The following MTMR9 variants were observed in gnomAD, a reference collection of about 807,000 sequenced individuals.
The protein encoded by MTMR9 is myotubularin-related protein 9.
In MTMR9, 39 loss-of-function variants were observed where a neutral mutation model predicts 69.5. The observed-to-expected ratio is 0.56, with a 90% CI of 0.43 to 0.73. The LOEUF (loss-of-function observed/expected upper bound fraction) is 0.73. Among genes scored for constraint, MTMR9 ranks in the 30% least tolerant of loss-of-function variants. The pLI, the probability that MTMR9 is intolerant of heterozygous loss-of-function variation, is 0.00. For synonymous variants in MTMR9, 354 were observed against 240.8 expected (o/e 1.47, Z -4.35); for missense variants, 900 against 671.2 (o/e 1.34, Z -3.77).
At chr8:11,322,304 C>G (rs1422122862) in intron 9 of MTMR9, among the ~76,000 whole-genome samples, 1 of 152,164 alleles carries the variant, frequency 6.6e-6, no homozygotes, top group African/African-American at 2.4e-5. Flanking sequence ...AAGTTTATGA[C>G]ATTGCAAATT....
chr8:11,322,760 CAG>C lies in MTMR9; in HGVS notation c.1625_1626del (p.Glu542GlyfsTer38). On this transcript the variant is annotated frameshift_variant, in exon 10 of 10. Coordinates refer to ENST00000221086, the MANE Select transcript of MTMR9 (RefSeq NM_015458.4). LOFTEE classifies it high-confidence loss of function. ...CGAAGGCAGTTGGCAGAACTGGAAACAGAGGACGGGATGCAGGAGAGTCCCTG... is the reference window on the plus strand; with the variant it reads ...CGAAGGCAGTTGGCAGAACTGGAAACAGGACGGGATGCAGGAGAGTCCCTG... 1 of 1,614,000 alleles carries C rather than the reference CAG, an allele frequency of 6.2e-7. No homozygotes were observed. Among genetic ancestry groups the C allele is most frequent in the Non-Finnish European group, 8.5e-7 (1 of 1,179,952 alleles).
chr8:11,332,004 A>T, downstream of MTMR9: 3 of 1,611,824 alleles, frequency 1.9e-6, no homozygotes, highest in Non-Finnish European at 2.5e-6. Flanking sequence ...GCAGTATTAT[A>T]TGCTCCATGA....
intron 4 of MTMR9, among the ~76,000 whole-genome samples, chr8:11,305,374 A>G (rs916076032): frequency 6.6e-6 from 1 of 152,190 alleles, no homozygotes; most frequent in African/African-American, 2.4e-5. Context: ...ATTTTTCTTA[A>G]CAACTTTACA....
chr8:11,314,836 T>C, intron 6 of MTMR9, 87 bp from the exon 7 acceptor site: 8 of 1,304,436 alleles, frequency 6.1e-6, no homozygotes, highest in Non-Finnish European at 8.7e-6. Context: ...ACTAAAATGT[T>C]GTGCTCAATA....
intron 6 of MTMR9, among the ~76,000 whole-genome samples, chr8:11,314,121 G>A (rs1201078863): frequency 6.6e-6 from 1 of 152,224 alleles, no homozygotes; most frequent in Non-Finnish European, 1.5e-5. Flanking sequence ...GCTCTATGTA[G>A]TGTATATGTA....
Position 11,300,082 on chromosome 8 carries a change from T to A in MTMR9, c.351T>A (p.Phe117Leu). The part of the protein sequence containing the change: ...LMYPFFYRPM[F>L]EVIEDGWHSF... ...ACCCTTTCTTTTACCGTCCTATGTTTGAAGTGATAGAAGATGGCTGGCATT... is the reference window on the plus strand; with the variant it reads ...ACCCTTTCTTTTACCGTCCTATGTTAGAAGTGATAGAAGATGGCTGGCATT... The change falls in exon 3 of 10, where the codon TTT becomes TTA. Residue 117 changes from phenylalanine (F) to leucine (L), a missense_variant. Phe to Leu is a conservative substitution (Grantham distance 22). Transcript: ENST00000221086. The A allele has an allele frequency of 6.2e-7, 1 of 1,613,748 alleles. No individual in the cohort carries two copies. Among genetic ancestry groups the A allele is most frequent in the Non-Finnish European group, 8.5e-7 (1 of 1,179,748 alleles).
the MTMR9 span, among the ~76,000 whole-genome samples, chr8:11,337,975 C>T: frequency 6.6e-6 from 1 of 152,190 alleles, no homozygotes; most frequent in Non-Finnish European, 1.5e-5. Flanking sequence ...TGTAGTTCCC[C>T]AAGGAATTGT....
chr8:11,304,002 G>C (rs1300209069), intron 3 of MTMR9, among the ~76,000 whole-genome samples: 1 of 151,634 alleles, frequency 6.6e-6, no homozygotes, highest in East Asian at 1.9e-4. Context: ...TGTAACCCAT[G>C]GTTAGGCCAA....
intron 4 of MTMR9, 78 bp from the exon 5 acceptor site, chr8:11,306,112 A>G: frequency 8.1e-7 from 1 of 1,239,718 alleles, no homozygotes; most frequent in Non-Finnish European, 1.2e-6. Context: ...AGATACTCTT[A>G]ATCTAGCTAA....
rs61752023 is a variant in MTMR9 at position 11,285,020 on chromosome 8, T to C, written c.132T>C (p.Asn44=). The part of the protein sequence containing the change: ...HHLILSSRQD[N]TEELWLLHSN... ...TGATCCTGTCCTCCCGGCAGGACAA[T>C]ACGGAGGAGCTGTGGCTCCTCCATT... Residue 44 remains asparagine (N), a synonymous_variant, in exon 1 of 10, where the codon AAT becomes AAC. Transcript: ENST00000221086. The C allele has an allele frequency of 7.5e-3, 12,074 of 1,612,912 alleles. 809 individuals are homozygous for C. The African/African-American group carries it at 0.14, about 19-fold the overall frequency.
the MTMR9 span, among the ~76,000 whole-genome samples, chr8:11,335,262 C>T: frequency 1.3e-5 from 2 of 152,120 alleles, no homozygotes; most frequent in African/African-American, 4.8e-5. Context: ...CAATTGCTTT[C>T]CTATCTGTCA....
intron 6 of MTMR9, among the ~76,000 whole-genome samples, chr8:11,310,519 T>C (rs541143410): frequency 1.3e-5 from 2 of 152,314 alleles, no homozygotes; most frequent in African/African-American, 2.4e-5. Context: ...GCTGAAATCA[T>C]GTGGTAAGTT....
chr8:11,325,979 T>A lies in MTMR9; in HGVS notation c.*3191T>A, dbSNP rs1800914286. ...GATTTTTAAACATTTCTTTGAACTTTGAGGCCTGATTTAGGGGTGGGATTT... is the reference window on the plus strand; with the variant it reads ...GATTTTTAAACATTTCTTTGAACTTAGAGGCCTGATTTAGGGGTGGGATTT... On this transcript the variant is annotated 3_prime_UTR_variant, in exon 10 of 10. Coordinates refer to ENST00000221086, the MANE Select transcript of MTMR9 (RefSeq NM_015458.4). 6.6e-6 allele frequency: 1 copy of A among 152,202 alleles called. No individual in the cohort carries two copies. Among genetic ancestry groups the A allele is most frequent in the African/African-American group, 2.4e-5 (1 of 41,448 alleles). 9.4% of individuals were successfully genotyped at this position (152,202 alleles called of 1,614,324 possible).
rs1368198960 is a variant in MTMR9 at position 11,324,572 on chromosome 8, A to G, written c.*1784A>G. ...TTGTGCTCCCTCAGAATTGCTTGCT[A>G]TGTCTGTTAATACAGCTGAGCTTTT... On this transcript the variant is annotated 3_prime_UTR_variant, in exon 10 of 10. Coordinates refer to ENST00000221086, the MANE Select transcript of MTMR9 (RefSeq NM_015458.4). 1.3e-5 allele frequency: 2 copies of G among 150,080 alleles called. No individual in the cohort carries two copies. The highest frequency in any genetic ancestry group is 3.0e-5 in the Non-Finnish European group (2 of 67,732). The allele number at this position is 150,080 out of a possible 1,614,324, so 9.3% of individuals were successfully genotyped here. A position where few individuals can be genotyped will look rare whatever the true frequency, so the allele number is the denominator to read the frequency against.
downstream of MTMR9, chr8:11,331,774 C>G (rs769858375): frequency 4.3e-6 from 7 of 1,611,704 alleles, no homozygotes; most frequent in Non-Finnish European, 5.1e-6. Flanking sequence ...CCAACAGTGG[C>G]CTTCCTATCT....
chr8:11,328,809 A>G (rs1563294423), downstream of MTMR9, among the ~76,000 whole-genome samples: 2 of 152,250 alleles, frequency 1.3e-5, no homozygotes, highest in African/African-American at 2.4e-5. Context: ...AGTTAACATC[A>G]TTAGTAATGG....
chr8:11,322,632 C>T lies in MTMR9; in HGVS notation c.1494C>T (p.Phe498=). ...PQSLPLWEGI[F]LRWNRSSKYL... ...CATTCCTGGATTCAATAGGTATTTT[C>T]CTACGTTGGAATAGATCCTCTAAGT... Residue 498 remains phenylalanine (F), a synonymous_variant, in exon 10 of 10, where the codon TTC becomes TTT. Transcript: ENST00000221086. 6.2e-7 allele frequency: 1 copy of T among 1,612,940 alleles called. No individual in the cohort carries two copies. The highest frequency in any genetic ancestry group is 8.5e-7 in the Non-Finnish European group (1 of 1,179,480).
downstream of MTMR9, among the ~76,000 whole-genome samples, chr8:11,332,708 TCTC>T (rs943961083): frequency 1.2e-4 from 18 of 152,114 alleles, no homozygotes; most frequent in Non-Finnish European, 4.4e-5. Flanking sequence ...TTCAAGCAAT[TCTC>T]CTACATCAGC....
At chr8:11,330,035 C>T (rs1275461944), downstream of MTMR9, among the ~76,000 whole-genome samples, 5 of 151,812 alleles carry the variant, frequency 3.3e-5, no homozygotes, top group Non-Finnish European at 5.9e-5. Context: ...GAGCACCCCG[C>T]CCGGCAGCCG....
Sources: gnomAD v4.1 joint callset for allele counts (sites outside exome capture counted in the v4.1 genomes callset) on GRCh38, gnomAD v4.1.1 for gene constraint, MANE v1.5 for transcripts, NCBI Gene and HGNC (gene_info 2026-07-23, HGNC 2026-07-21) for gene names.